SCMH1: variants seen among roughly 807,000 people sequenced by gnomAD.
SCMH1 encodes polycomb protein SCMH1.
In SCMH1, 37 loss-of-function variants were observed where a neutral mutation model predicts 70.8. The ratio of observed to expected loss-of-function variants is 0.52; its 90% confidence interval spans 0.40 to 0.69. SCMH1 has a LOEUF of 0.69. SCMH1 is among the 30% of genes least tolerant of loss of function. SCMH1 has a pLI of 0.00. For synonymous variants in SCMH1, 292 were observed against 307.4 expected (o/e 0.95, Z 0.52); for missense variants, 607 against 827.3 (o/e 0.73, Z 3.27).
rs1035669479 is a variant in SCMH1, at chr1:41,133,391, G to A, written c.412+9487C>T. On this transcript the variant is annotated intron_variant, in intron 6 of 14. Transcript: ENST00000337495. ...AATGAAAAGAACTAGAGAAGCAAGA[G>A]CAAACAAATTCAAAAGTTAGCAGAA... is the stretch of plus-strand genomic sequence containing the variant. Among the ~76,000 whole-genome samples, 9 of 152,124 alleles carry A rather than the reference G, an allele frequency of 5.9e-5. 1 individual carries two copies. Among genetic ancestry groups the A allele is most frequent in the Middle Eastern group, 3.2e-3 (1 of 316 alleles).
chr1:41,066,234 C>T (rs988195894), intron 10 of SCMH1, among the ~76,000 whole-genome samples: 1 of 152,198 alleles, frequency 6.6e-6, no homozygotes, highest in Non-Finnish European at 1.5e-5. Flanking sequence ...ATAGTTCCCT[C>T]TCCTGGTCTT....
At chr1:41,235,569 TAAAAAAAAA>T (rs61093555) in intron 1 of SCMH1, among the ~76,000 whole-genome samples, 79 of 43,120 alleles carry the variant, frequency 1.8e-3, no homozygotes, top group African/African-American at 3.9e-3. Context: ...AGACTCCGTC[TAAAAAAAAA>T]AAAAAAAAAA....
intron 4 of SCMH1, among the ~76,000 whole-genome samples, chr1:41,153,060 G>C (rs1645208935): frequency 6.6e-6 from 1 of 152,200 alleles, no homozygotes; most frequent in Non-Finnish European, 1.5e-5. Context: ...CCTAAAGCAA[G>C]GACTGAATAC....
intron 10 of SCMH1, among the ~76,000 whole-genome samples, chr1:41,051,846 T>A (rs1300736331): frequency 1.3e-5 from 2 of 152,004 alleles, no homozygotes; most frequent in African/African-American, 2.4e-5. Context: ...TAAAAAAAAA[T>A]TTAGTGTAGC....
Position 41,219,458 on chromosome 1 carries a change from G to A in SCMH1, c.-118+22601C>T, listed in dbSNP as rs1011879520. Among the ~76,000 whole-genome samples the A allele has an allele frequency of 2.0e-5, 3 of 152,164 alleles. No homozygotes were observed. In the South Asian group the frequency reaches 6.2e-4, roughly 32 times the overall value. ...TGGCATCTGAAATGGGGCAAGTCTTGTTGGGGGCCATGCTCTCATAAACTT... is the reference window on the plus strand; with the variant it reads ...TGGCATCTGAAATGGGGCAAGTCTTATTGGGGGCCATGCTCTCATAAACTT... On this transcript the variant is annotated intron_variant, in intron 1 of 14. Coordinates refer to ENST00000337495, the Ensembl canonical transcript of SCMH1.
At chr1:41,037,000 T>C (rs1645392721) in intron 13 of SCMH1, among the ~76,000 whole-genome samples, 1 of 151,314 alleles carries the variant, frequency 6.6e-6, no homozygotes, top group Admixed American at 6.6e-5. Flanking sequence ...TTAATAATTA[T>C]CTGTTTACGT....
chr1:41,036,961 T>C (rs955645713), intron 13 of SCMH1, among the ~76,000 whole-genome samples: 3 of 152,192 alleles, frequency 2.0e-5, no homozygotes, highest in African/African-American at 7.2e-5. Flanking sequence ...ACCCAAAGCA[T>C]ATGTCTGTCA....
intron 2 of SCMH1, among the ~76,000 whole-genome samples, chr1:41,172,037 C>T (rs1557730448): frequency 6.6e-6 from 1 of 151,948 alleles, no homozygotes; most frequent in African/African-American, 2.4e-5. Context: ...ACAAAAAATA[C>T]AAAAAGTTAG....
chr1:41,084,323 A>C (rs1660926134), intron 8 of SCMH1, among the ~76,000 whole-genome samples: 1 of 152,246 alleles, frequency 6.6e-6, no homozygotes, highest in African/African-American at 2.4e-5. Flanking sequence ...GAAGGACATG[A>C]ACAGACCCTT....
intron 2 of SCMH1, among the ~76,000 whole-genome samples, chr1:41,163,906 A>G (rs1646238790): frequency 6.6e-6 from 1 of 152,172 alleles, no homozygotes; most frequent in African/African-American, 2.4e-5. Flanking sequence ...CTGACACTGC[A>G]CCCACTTTCT....
intron 12 of SCMH1, chr1:41,043,853 A>G (rs1646554247): frequency 6.6e-6 from 1 of 152,140 alleles, no homozygotes; most frequent in South Asian, 2.1e-4. Context: ...TTAACTCTCA[A>G]ATGGTTCAGT....
At chr1:41,140,756 T>C (rs74069028) in intron 6 of SCMH1, among the ~76,000 whole-genome samples, 1,959 of 152,218 alleles carry the variant, frequency 0.013, 41 homozygotes, top group African/African-American at 0.045. Context: ...GATTCCATAT[T>C]TGGGGCAAAA....
chr1:41,236,804 G>GA (rs1662483644), intron 1 of SCMH1, among the ~76,000 whole-genome samples: 2 of 152,138 alleles, frequency 1.3e-5, no homozygotes, highest in Admixed American at 1.3e-4. Flanking sequence ...ATAATGACAA[G>GA]AAAAAAGTCT....
chr1:41,150,250 C>G (rs567858703), intron 5 of SCMH1, among the ~76,000 whole-genome samples: 2 of 152,190 alleles, frequency 1.3e-5, no homozygotes, highest in Non-Finnish European at 2.9e-5. Context: ...CACCTGTAAT[C>G]CCACCACTTT....
intron 6 of SCMH1, among the ~76,000 whole-genome samples, chr1:41,130,607 G>C (rs901829845): frequency 6.6e-6 from 1 of 151,934 alleles, no homozygotes; most frequent in Non-Finnish European, 1.5e-5. Flanking sequence ...TACTGAATTA[G>C]ATATGTAAGT....
intron 5 of SCMH1, among the ~76,000 whole-genome samples, chr1:41,146,767 C>T (rs191985471): frequency 9.9e-4 from 151 of 152,224 alleles, no homozygotes; most frequent in Non-Finnish European, 1.9e-3. Context: ...CAATTCATTT[C>T]TCAGAGCATA....
At chr1:41,171,108 C>A (rs1411190911) in intron 2 of SCMH1, among the ~76,000 whole-genome samples, 2 of 152,228 alleles carry the variant, frequency 1.3e-5, no homozygotes, top group African/African-American at 4.8e-5. Context: ...CAAGGCCAAT[C>A]TGGCGATGGC....
intron 1 of SCMH1, among the ~76,000 whole-genome samples, chr1:41,197,669 T>A (rs1653351582): frequency 6.6e-6 from 1 of 151,566 alleles, no homozygotes; most frequent in Non-Finnish European, 1.5e-5. Context: ...TGGTAAACTT[T>A]AAGTTTATGT....
At chr1:41,045,086 C>T (rs1646733015) in intron 12 of SCMH1, among the ~76,000 whole-genome samples, 1 of 152,166 alleles carries the variant, frequency 6.6e-6, no homozygotes, top group Admixed American at 6.5e-5. Flanking sequence ...GATCAGAGTT[C>T]CTGAATGCCT....
Sources: gnomAD v4.1 joint callset for allele counts (sites outside exome capture counted in the v4.1 genomes callset) on GRCh38, gnomAD v4.1.1 for gene constraint, MANE v1.5 for transcripts, NCBI Gene and HGNC (gene_info 2026-07-23, HGNC 2026-07-21) for gene names.